PCDHA12: variants seen among roughly 807,000 people sequenced by gnomAD.
PCDHA12 encodes protocadherin alpha 12, also known as protocadherin alpha-12.
In PCDHA12, 44 loss-of-function variants were observed where a neutral mutation model predicts 60.0. That is an observed-to-expected ratio of 0.73 (90% CI 0.58 to 0.94). PCDHA12 has a LOEUF of 0.94. Among genes scored for constraint, PCDHA12 ranks in the 40% least tolerant of loss-of-function variants. The probability of loss-of-function intolerance (pLI) is 0.00; values close to 1 mark genes in which losing one functional copy is unlikely to be tolerated. For missense variants in PCDHA12, 1,276 were observed against 1,239.7 expected (o/e 1.03, Z -0.44); for synonymous variants, 569 against 553.0 (o/e 1.03, Z -0.40).
chr5:140,910,958 C>G (rs571427431), intron 1 of PCDHA12, among the ~76,000 whole-genome samples: 2 of 152,220 alleles, frequency 1.3e-5, no homozygotes, highest in East Asian at 3.9e-4. Context: ...TCGAGTGTAG[C>G]ACACCTCCTC....
chr5:140,887,018 G>C (rs965813784), intron 1 of PCDHA12, among the ~76,000 whole-genome samples: 70 of 151,906 alleles, frequency 4.6e-4, no homozygotes, highest in African/African-American at 1.6e-3. Context: ...CCTACTGCCT[G>C]AAAAATTTCT....
intron 3 of PCDHA12, among the ~76,000 whole-genome samples, chr5:141,000,038 C>T (rs1554257087): frequency 3.3e-5 from 5 of 152,092 alleles, no homozygotes; most frequent in Non-Finnish European, 5.9e-5. Flanking sequence ...TCCAATCACA[C>T]ACACACCACT....
At chr5:141,005,440 A>C (rs1174431656) in intron 3 of PCDHA12, among the ~76,000 whole-genome samples, 3 of 152,112 alleles carry the variant, frequency 2.0e-5, no homozygotes, top group African/African-American at 7.2e-5. Flanking sequence ...TGAGAGGCTC[A>C]CGCCTGTAAT....
At chr5:140,936,449 C>A (rs1245206418) in intron 1 of PCDHA12, among the ~76,000 whole-genome samples, 1 of 152,174 alleles carries the variant, frequency 6.6e-6, no homozygotes, top group African/African-American at 2.4e-5. Context: ...ATAACCACAT[C>A]TGTTTAGTGG....
In PCDHA12 at chr5:140,876,240, A is replaced by G. The variant is rs375639572; in HGVS notation, c.768A>G (p.Gln256=). 7.0e-5 allele frequency: 113 copies of G among 1,613,906 alleles called. No homozygotes were observed. The highest frequency in any genetic ancestry group is 8.3e-5 in the Admixed American group (5 of 60,008). Reference sequence around the variant, plus strand: ...AAGTAGTGTTGTCTGAAAATGTCCAAAACGACACAAGAGTGATCCAACTAA... The same window carrying G: ...AAGTAGTGTTGTCTGAAAATGTCCAGAACGACACAAGAGTGATCCAACTAA... ...SYKVVLSENV[Q]NDTRVIQLNA... Residue 256 remains glutamine, a synonymous_variant, in exon 1 of 4, where the codon CAA becomes CAG. Coordinates refer to ENST00000398631, the MANE Select transcript of PCDHA12 (RefSeq NM_018903.4).
intron 1 of PCDHA12, among the ~76,000 whole-genome samples, chr5:140,917,823 G>A (rs1167187844): frequency 6.6e-5 from 10 of 151,920 alleles, no homozygotes; most frequent in African/African-American, 1.9e-4. Context: ...AAGTTGGGTA[G>A]TGTGATGTCC....
intron 1 of PCDHA12, among the ~76,000 whole-genome samples, chr5:140,959,259 C>T (rs781794121): frequency 4.6e-5 from 7 of 152,040 alleles, no homozygotes; most frequent in African/African-American, 7.2e-5. Flanking sequence ...TGACTGTAGT[C>T]CCAGCTACCC....
At chr5:140,962,841 A>G (rs1298725922) in intron 1 of PCDHA12, among the ~76,000 whole-genome samples, 3 of 152,210 alleles carry the variant, frequency 2.0e-5, no homozygotes, top group African/African-American at 7.2e-5. Flanking sequence ...TTTTTATTAT[A>G]TAACTTGTGC....
intron 1 of PCDHA12, among the ~76,000 whole-genome samples, chr5:140,961,978 G>T (rs1336878095): frequency 6.6e-6 from 1 of 151,828 alleles, no homozygotes; most frequent in Non-Finnish European, 1.5e-5. Context: ...CCGCCTCCTG[G>T]GTTCACGCCA....
intron 1 of PCDHA12, among the ~76,000 whole-genome samples, chr5:140,939,048 A>T (rs931079281): frequency 1.3e-5 from 2 of 152,180 alleles, no homozygotes; most frequent in Admixed American, 6.5e-5. Flanking sequence ...GTCTTAGTCC[A>T]TTTGGGCTGC....
chr5:140,938,753 T>G (rs1381426227), intron 1 of PCDHA12, among the ~76,000 whole-genome samples: 3 of 152,170 alleles, frequency 2.0e-5, no homozygotes, highest in Admixed American at 1.3e-4. Flanking sequence ...TTTAAAGGCA[T>G]AGTTATTGGG....
intron 3 of PCDHA12, among the ~76,000 whole-genome samples, chr5:140,999,159 G>T (rs1056236953): frequency 6.6e-6 from 1 of 152,182 alleles, no homozygotes; most frequent in Non-Finnish European, 1.5e-5. Flanking sequence ...CAGTCCCCTA[G>T]AAGGAAAAGA....
chr5:140,902,622 A>C (rs1328816868), intron 1 of PCDHA12, among the ~76,000 whole-genome samples: 2 of 152,068 alleles, frequency 1.3e-5, no homozygotes, highest in Non-Finnish European at 2.9e-5. Flanking sequence ...TGGGTAAGTT[A>C]TTTAGTGGTG....
At chr5:140,975,823 G>A (rs1239122577) in intron 1 of PCDHA12, among the ~76,000 whole-genome samples, 2 of 152,164 alleles carry the variant, frequency 1.3e-5, no homozygotes, top group Non-Finnish European at 2.9e-5. Context: ...AGGAACTGAA[G>A]TGTATTCTTA....
At position 141,010,228 on chromosome 5, in the gene PCDHA12, C is replaced by T. The variant is rs1290626143; in HGVS notation, c.*291C>T. The stretch of plus-strand genomic sequence containing the variant: ...CCGCAAAGGAGAGGCTTCCCAGCCC[C>T]GCCAGTGAGAGGTTGGACTCTCTGC... On this transcript the variant is annotated 3_prime_UTR_variant, in exon 4 of 4. Coordinates refer to ENST00000398631, the MANE Select transcript of PCDHA12 (RefSeq NM_018903.4). 35 of 1,551,916 alleles carry T rather than the reference C, an allele frequency of 2.3e-5. No homozygotes were observed. The highest frequency in any genetic ancestry group is 2.8e-5 in the Non-Finnish European group (32 of 1,147,054).
chr5:140,921,283 C>T (rs1484079224), intron 1 of PCDHA12, among the ~76,000 whole-genome samples: 2 of 151,974 alleles, frequency 1.3e-5, no homozygotes, highest in Non-Finnish European at 2.9e-5. Flanking sequence ...TTGAAAAAAA[C>T]CTCAAATTTG....
intron 2 of PCDHA12, among the ~76,000 whole-genome samples, chr5:140,981,831 G>A (rs2096952818): frequency 6.6e-6 from 1 of 152,006 alleles, no homozygotes; most frequent in African/African-American, 2.4e-5. Flanking sequence ...TGCCTCTAAA[G>A]GTCTCCCAGT....
chr5:140,896,046 G>A (rs1430238321), intron 1 of PCDHA12, among the ~76,000 whole-genome samples: 2 of 151,866 alleles, frequency 1.3e-5, no homozygotes, highest in East Asian at 1.9e-4. Context: ...CCTGACCTCA[G>A]GTGATCCGCC....
chr5:140,917,328 GGA>G lies in PCDHA12; in HGVS notation c.2367+39491_2367+39492del, dbSNP rs371938358. On this transcript the variant is annotated intron_variant, in intron 1 of 3. Transcript: ENST00000398631. ...TACAATTTGGTGTTCATGTGGCGGGGGAGGGGGGGGATGGTGTAGGCTTCTGT... is the reference window on the plus strand; with the variant it reads ...TACAATTTGGTGTTCATGTGGCGGGGGGGGGGGGATGGTGTAGGCTTCTGT... 4.7e-4 allele frequency among the ~76,000 whole-genome samples: 70 copies of G among 148,990 alleles called. 3 individuals are homozygous for G. Among genetic ancestry groups the G allele is most frequent in the African/African-American group, 1.3e-3 (53 of 40,184 alleles).
Sources: allele counts gnomAD v4.1 joint callset (sites outside exome capture counted in the v4.1 genomes callset), GRCh38; gene constraint gnomAD v4.1.1; transcripts MANE v1.5; gene names NCBI Gene and HGNC (gene_info 2026-07-23, HGNC 2026-07-21).